Variants in USP20 observed in about 807,000 individuals in gnomAD.
USP20 encodes the protein ubiquitin carboxyl-terminal hydrolase 20.
USP20 carries 80 observed loss-of-function variants against 124.2 expected under a neutral mutation model. The observed-to-expected ratio is 0.64, with a 90% CI of 0.54 to 0.78. The LOEUF (loss-of-function observed/expected upper bound fraction) is 0.78, where lower values mean the gene tolerates loss of function less well. Among genes scored for constraint, USP20 ranks in the 30% least tolerant of loss-of-function variants. The pLI is 0.00. For missense variants in USP20, 1,043 were observed against 1,244.4 expected, an observed-to-expected ratio of 0.84 and a Z score of 2.44; for synonymous variants, 481 against 512.3, an observed-to-expected ratio of 0.94 and a Z score of 0.83.
intron 14 of USP20, 51 bp from the exon 15 acceptor site, chr9:129,870,402 T>C (rs368968257): frequency 4.4e-6 from 7 of 1,586,260 alleles, no homozygotes; most frequent in African/African-American, 2.7e-5. Flanking sequence ...CTTCAGCTCC[T>C]GTTCTTGCCC....
rs112729776 is a variant in USP20 at position 129,873,601 on chromosome 9, T to C, written c.1694+86T>C. 5.7e-5 allele frequency: 92 copies of C among 1,613,162 alleles called. No homozygotes were observed. In the African/African-American group the frequency reaches 9.5e-4, roughly 17 times the overall value. ...TTGGGTTCCTGCAGAGAGCCCCCTA[T>C]AATCCTGCCTTCCCAGAAGGGAGCC... On this transcript the variant is annotated intron_variant, in intron 16 of 25. Transcript: ENST00000372429.
intron 4 of USP20, among the ~76,000 whole-genome samples, chr9:129,856,851 G>A (rs1313871568): frequency 6.6e-6 from 1 of 152,176 alleles, no homozygotes; most frequent in African/African-American, 2.4e-5. Flanking sequence ...GACTGGCCAG[G>A]AGACAGTGTC....
intron 14 of USP20, chr9:129,870,225 G>A (rs1022980969): frequency 2.6e-5 from 15 of 582,438 alleles, no homozygotes; most frequent in African/African-American, 3.7e-5. Flanking sequence ...GATCATGGCC[G>A]CAACACAGAT....
chr9:129,858,005 T>C (rs369783948), intron 4 of USP20, 45 bp from the exon 5 acceptor site: 1 of 1,567,342 alleles, frequency 6.4e-7, no homozygotes, highest in Non-Finnish European at 8.8e-7. Context: ...GTTGACACCA[T>C]CCTTTTGGCA....
intron 10 of USP20, among the ~76,000 whole-genome samples, chr9:129,867,554 G>C (rs1588274983): frequency 6.6e-6 from 1 of 152,072 alleles, no homozygotes; most frequent in Non-Finnish European, 1.5e-5. Flanking sequence ...GCAGGACTCG[G>C]GTGAGTCCTC....
intron 1 of USP20, among the ~76,000 whole-genome samples, chr9:129,838,957 A>T (rs1189219504): frequency 2.0e-5 from 3 of 152,214 alleles, no homozygotes; most frequent in Non-Finnish European, 4.4e-5. Context: ...GACTGAAGGA[A>T]GTTAAGCTGA....
chr9:129,860,956 A>G lies in USP20; in HGVS notation c.350A>G (p.His117Arg). 6.6e-7 allele frequency: 1 copy of G among 1,518,290 alleles called. No individual in the cohort carries two copies. The highest frequency in any genetic ancestry group is 1.1e-5 in the South Asian group (1 of 89,214). 94.1% of individuals were successfully genotyped at this position (1,518,290 alleles called of 1,614,324 possible). A position where few individuals can be genotyped will look rare whatever the true frequency, so the allele number is the denominator to read the frequency against. The change falls in exon 7 of 26, where the codon CAC (histidine) becomes CGC (arginine). Residue 117 changes from histidine to arginine, a missense_variant. By Grantham distance (29) the His-to-Arg change is conservative. Transcript: ENST00000372429. Reference protein sequence around the residue: ...FSEQDSPPPSHPLKAVPIAVA... With the variant: ...FSEQDSPPPSRPLKAVPIAVA... ...ACACAGGACTCCCCGCCACCCTCCCACCCTCTGAAAGCTGTTCCTATTGCT... is the reference window on the plus strand; with the variant it reads ...ACACAGGACTCCCCGCCACCCTCCCGCCCTCTGAAAGCTGTTCCTATTGCT...
intron 1 of USP20, among the ~76,000 whole-genome samples, chr9:129,840,787 T>TTTTG (rs2032160065): frequency 6.9e-6 from 1 of 145,734 alleles, no homozygotes; most frequent in African/African-American, 2.5e-5. Context: ...TTTTTTTTTT[T>TTTTG]GAGATAGGGT....
chr9:129,874,257 G>A (rs2034274873), intron 17 of USP20, among the ~76,000 whole-genome samples: 1 of 152,214 alleles, frequency 6.6e-6, no homozygotes, highest in African/African-American at 2.4e-5. Context: ...GAGCAAAGAG[G>A]AGAGGGCCCT....
chr9:129,869,393 C>A lies in USP20; in HGVS notation c.1360C>A (p.Leu454Ile), dbSNP rs1302075917. ...CTCAGACATCTTTGACGGCTCCATT[C>A]TCAGCCTTGTGCAGTGTCTCACCTG... is the stretch of plus-strand genomic sequence containing the variant. ...VISDIFDGSI[L>I]SLVQCLTCDR... Residue 454 changes from leucine (L) to isoleucine (I), a missense_variant, in exon 13 of 26, where the codon CTC becomes ATC. Leu to Ile is a conservative substitution (Grantham distance 5). Transcript: ENST00000372429. 1.2e-6 allele frequency: 2 copies of A among 1,613,696 alleles called. No individual in the cohort carries two copies. The highest frequency in any genetic ancestry group is 1.7e-6 in the Non-Finnish European group (2 of 1,179,984).
At chr9:129,841,271 T>G (rs1299109543) in intron 1 of USP20, among the ~76,000 whole-genome samples, 1 of 152,216 alleles carries the variant, frequency 6.6e-6, no homozygotes, top group Non-Finnish European at 1.5e-5. Context: ...TCTCACTGTG[T>G]CCTGGCTTGG....
At chr9:129,847,898 T>A (rs1446182440) in intron 1 of USP20, among the ~76,000 whole-genome samples, 1 of 88,192 alleles carries the variant, frequency 1.1e-5, no homozygotes, top group Non-Finnish European at 2.1e-5. Context: ...TTGTATCTGA[T>A]TTTTTTTTTT....
rs370655370 is a variant in USP20 at position 129,874,791 on chromosome 9, G to T, written c.1921+35G>T. ...GTCCCCTCCCCTGCCGTCCCCATCC[G>T]CTAGGATCCCTGTGACCCGTCTGCT... On this transcript the variant is annotated intron_variant, in intron 18 of 25. Coordinates refer to ENST00000372429, the MANE Select transcript of USP20 (RefSeq NM_001110303.4). 106 of 1,613,790 alleles carry T rather than the reference G, an allele frequency of 6.6e-5. No homozygotes were observed. In the African/African-American group the frequency reaches 1.3e-3, roughly 20 times the overall value.
rs1448595898 is a variant in USP20 at position 129,860,949 on chromosome 9, C to T, written c.343C>T (p.Pro115Ser). ...SKFSEQDSPP[P>S]SHPLKAVPIA... is the part of the protein sequence containing the mutation. ...GTCTTTAACACAGGACTCCCCGCCA[C>T]CCTCCCACCCTCTGAAAGCTGTTCC... Residue 115 changes from proline to serine, a missense_variant, in exon 7 of 26, where the codon CCC (proline) becomes TCC (serine). Pro to Ser is a moderately conservative substitution (Grantham distance 74). Coordinates refer to ENST00000372429, the MANE Select transcript of USP20 (RefSeq NM_001110303.4). The T allele has an allele frequency of 1.9e-6, 3 of 1,611,758 alleles. No homozygotes were observed. Among genetic ancestry groups the T allele is most frequent in the Non-Finnish European group, 2.5e-6 (3 of 1,178,044 alleles).
At position 129,852,465 on chromosome 9, in the gene USP20, A is replaced by G. The variant is rs900832174; in HGVS notation, c.-16-75A>G. 2.9e-6 allele frequency: 4 copies of G among 1,360,912 alleles called. No homozygotes were observed. In the African/African-American group the frequency reaches 5.8e-5, roughly 20 times the overall value. 84.3% of individuals were successfully genotyped at this position (1,360,912 alleles called of 1,614,324 possible). A position where few individuals can be genotyped will look rare whatever the true frequency, so the allele number is the denominator to read the frequency against. On this transcript the variant is annotated intron_variant, in intron 2 of 25. Coordinates refer to ENST00000372429, the MANE Select transcript of USP20 (RefSeq NM_001110303.4). ...CCAGGACTCAAGGCCAAAGTCATGTACTTAACCACTCACCTCCCCACCTCC... is the reference window on the plus strand; with the variant it reads ...CCAGGACTCAAGGCCAAAGTCATGTGCTTAACCACTCACCTCCCCACCTCC...
At chr9:129,844,623 C>CAAAAAAA (rs1191781066) in intron 1 of USP20, among the ~76,000 whole-genome samples, 1 of 72,422 alleles carries the variant, frequency 1.4e-5, no homozygotes, top group Non-Finnish European at 2.7e-5. Context: ...GACTCTGTCT[C>CAAAAAAA]AAAAAAAAAA....
intron 7 of USP20, 57 bp from the exon 8 acceptor site, chr9:129,861,486 G>T: frequency 1.9e-6 from 3 of 1,546,368 alleles, no homozygotes; most frequent in Admixed American, 1.7e-5. Flanking sequence ...GACTTGCAAG[G>T]TTTCCTCGGT....
At chr9:129,867,962 C>T (rs2033901550) in intron 10 of USP20, 43 bp from the exon 11 acceptor site, 2 of 1,574,506 alleles carry the variant, frequency 1.3e-6, no homozygotes, top group Non-Finnish European at 1.7e-6. Context: ...ACTGGTTCCT[C>T]CTGCCTCCAG....
At position 129,875,581 on chromosome 9, in the gene USP20, A is replaced by G. The variant is rs780362528; in HGVS notation, c.2240A>G (p.His747Arg). 2.5e-6 allele frequency: 4 copies of G among 1,613,858 alleles called. No individual in the cohort carries two copies. The South Asian group carries it at 3.3e-5, about 13-fold the overall frequency. ...SHGGIPPHKY[H>R]YIDDLVVILP... Reference sequence around the variant, plus strand: ...CCAGGCATCCCGCCCCACAAATACCACTACATCGACGACCTGGTGGTCATC... The same window carrying G: ...CCAGGCATCCCGCCCCACAAATACCGCTACATCGACGACCTGGTGGTCATC... Residue 747 changes from histidine (H) to arginine (R), a missense_variant, in exon 21 of 26, where the codon CAC becomes CGC. Physicochemically the swap from His to Arg is conservative, Grantham distance 29. Coordinates refer to ENST00000372429, the MANE Select transcript of USP20 (RefSeq NM_001110303.4).
Sources: gnomAD v4.1 joint callset for allele counts (sites outside exome capture counted in the v4.1 genomes callset) on GRCh38, gnomAD v4.1.1 for gene constraint, MANE v1.5 for transcripts, NCBI Gene and HGNC (gene_info 2026-07-23, HGNC 2026-07-21) for gene names.